The following TTC6 variants were observed in gnomAD, a reference collection of about 807,000 sequenced individuals.
The protein encoded by TTC6 is tetratricopeptide repeat domain 6, also known as tetratricopeptide repeat protein 6.
In TTC6, 172 loss-of-function variants were observed where a neutral mutation model predicts 210.4. The ratio of observed to expected loss-of-function variants is 0.82; its 90% confidence interval spans 0.72 to 0.93. The LOEUF (loss-of-function observed/expected upper bound fraction) is 0.93, where lower values mean the gene tolerates loss of function less well. TTC6 is among the 40% of genes least tolerant of loss of function. The probability of loss-of-function intolerance (pLI) is 0.00; values close to 1 mark genes in which losing one functional copy is unlikely to be tolerated. For missense variants in TTC6, 2,414 were observed against 2,318.1 expected (o/e 1.04, Z -0.85); for synonymous variants, 804 against 819.6 (o/e 0.98, Z 0.32).
At chr14:37,696,565 A>C (rs895914095) in intron 3 of TTC6, 152 bp from the exon 6 acceptor site, 1 of 390,086 alleles carries the variant, frequency 2.6e-6, no homozygotes, top group East Asian at 3.8e-5. Flanking sequence ...GAATGGATTT[A>C]GAGGAAACTA....
At chr14:37,772,812 G>C (rs2096024524) in intron 14 of TTC6, among the ~76,000 whole-genome samples, 1 of 152,026 alleles carries the variant, frequency 6.6e-6, no homozygotes, top group East Asian at 1.9e-4. Flanking sequence ...TTCCTATTCG[G>C]CCATCTTGGC....
chr14:37,705,446 T>A (rs1229876875), intron 5 of TTC6, among the ~76,000 whole-genome samples: 1 of 152,168 alleles, frequency 6.6e-6, no homozygotes, highest in African/African-American at 2.4e-5. Context: ...ATAACACTGT[T>A]AACATTCTTA....
At chr14:37,794,213 G>T (rs2096086968) in intron 17 of TTC6, among the ~76,000 whole-genome samples, 1 of 152,160 alleles carries the variant, frequency 6.6e-6, no homozygotes, top group Non-Finnish European at 1.5e-5. Flanking sequence ...CCTGAATAGG[G>T]TTAGCTTAGG....
chr14:37,599,926 G>T (rs965534983), intron 1 of TTC6, among the ~76,000 whole-genome samples: 1 of 152,160 alleles, frequency 6.6e-6, no homozygotes, highest in African/African-American at 2.4e-5. Flanking sequence ...GTTCACACCG[G>T]TCAGCGCCTG....
At chr14:37,611,038 G>C (rs898334415) in intron 2 of TTC6, among the ~76,000 whole-genome samples, 1 of 152,364 alleles carries the variant, frequency 6.6e-6, no homozygotes, top group East Asian at 1.9e-4. Context: ...GGCTCTTCGG[G>C]AGCAGCGTCT....
intron 1 of TTC6, among the ~76,000 whole-genome samples, chr14:37,672,587 T>G (rs1305829162): frequency 6.6e-6 from 1 of 152,186 alleles, no homozygotes; most frequent in Non-Finnish European, 1.5e-5. Context: ...GATGTCATAC[T>G]TGAAATATCA....
In TTC6 at chr14:37,748,941, C is replaced by A; in HGVS notation, c.2366C>A (p.Ser789Ter). 1 of 1,461,298 alleles carries A rather than the reference C, an allele frequency of 6.8e-7. No homozygotes were observed. The highest frequency in any genetic ancestry group is 1.4e-5 in the South Asian group (1 of 69,974). The allele number at this position is 1,461,298 out of a possible 1,614,324, so 90.5% of individuals were successfully genotyped here. Residue 789 changes from serine to a stop codon, truncating the protein, a stop_gained and splice_region_variant, in exon 11 of 31, where the codon TCA becomes TAA. Transcript: ENST00000553443. LOFTEE classifies it high-confidence loss of function. ...AAAATCACTCTTTTAAAAACTAGAT[C>A]AGCATCTCATGGAATACTTCCGGGA...
intron 2 of TTC6, among the ~76,000 whole-genome samples, chr14:37,609,762 G>A (rs1334307466): frequency 2.0e-5 from 3 of 152,010 alleles, no homozygotes; most frequent in East Asian, 1.9e-4. Flanking sequence ...TGCAGCATTC[G>A]GGATGGTACC....
At chr14:37,840,856 A>AGGCAGT (rs2096208381) in intron 29 of TTC6, among the ~76,000 whole-genome samples, 1 of 139,114 alleles carries the variant, frequency 7.2e-6, no homozygotes, top group Non-Finnish European at 1.5e-5. Context: ...TTGGGGTAAG[A>AGGCAGT]GGCAGTGGGA....
At chr14:37,752,948 C>A (rs1021117227) in intron 13 of TTC6, 151 bp from the exon 16 acceptor site, 3 of 476,142 alleles carry the variant, frequency 6.3e-6, no homozygotes, top group African/African-American at 6.0e-5. Context: ...AAGAAATATT[C>A]TTTAGCTACA....
chr14:37,749,791 T>C, exon 12 of TTC6: 2 of 1,466,284 alleles, frequency 1.4e-6, no homozygotes, highest in Non-Finnish European at 1.8e-6. Context: ...ACAAAATTAA[T>C]GAAGCTTTGG....
chr14:37,622,318 C>A, exon 1 of TTC6: 1 of 1,533,682 alleles, frequency 6.5e-7, no homozygotes, highest in Non-Finnish European at 8.7e-7. Flanking sequence ...CCTGCGATGT[C>A]CGCGGCCGCC....
intron 2 of TTC6, among the ~76,000 whole-genome samples, chr14:37,607,940 A>T (rs986683836): frequency 1.2e-4 from 18 of 152,240 alleles, no homozygotes; most frequent in African/African-American, 4.1e-4. Flanking sequence ...TCCCATGCAC[A>T]TACTCTTACT....
rs149027872 is a variant in TTC6 at position 37,616,170 on chromosome 14, C to T, written c.-154-5880C>T. On this transcript the variant is annotated intron_variant, in intron 2 of 2. Transcript: ENST00000556845. ...GCATATACGTGAATCAAAGGTCAGT[C>T]GGAGACGTGTGGGGTTTAGATAGAA... Among the ~76,000 whole-genome samples, 1,268 of 152,258 alleles carry T rather than the reference C, an allele frequency of 8.3e-3. 21 individuals carry two copies. The highest frequency in any genetic ancestry group is 0.029 in the African/African-American group (1,197 of 41,538).
chr14:37,796,993 G>GTA, intron 20 of TTC6, 46 bp downstream of exon 22: 1 of 1,491,352 alleles, frequency 6.7e-7, no homozygotes, highest in Non-Finnish European at 9.0e-7. Context: ...TTAATGAAGT[G>GTA]TATATATTGT....
intron 3 of TTC6, among the ~76,000 whole-genome samples, chr14:37,691,299 C>G (rs1293098086): frequency 1.3e-5 from 2 of 152,130 alleles, no homozygotes; most frequent in Non-Finnish European, 2.9e-5. Flanking sequence ...CACTGCACTA[C>G]AGCCTGTGTG....
At chr14:37,841,490 G>A (rs865814638) in exon 30 of TTC6, 1 of 1,593,242 alleles carries the variant, frequency 6.3e-7, no homozygotes, top group Non-Finnish European at 8.5e-7. Flanking sequence ...TCCAGAAAAT[G>A]AATATGTTCT....
chr14:37,659,467 A>G (rs533410816), intron 1 of TTC6, among the ~76,000 whole-genome samples: 80 of 151,844 alleles, frequency 5.3e-4, no homozygotes, highest in African/African-American at 1.7e-3. Context: ...GACTTTTTTA[A>G]TAATAGCCAT....
At chr14:37,615,832 T>C (rs1402801021) in intron 2 of TTC6, among the ~76,000 whole-genome samples, 1 of 152,260 alleles carries the variant, frequency 6.6e-6, no homozygotes. Flanking sequence ...GTTGCTTTAA[T>C]GTCCTTTTCT....
Sources: gnomAD v4.1 joint callset for allele counts (sites outside exome capture counted in the v4.1 genomes callset) on GRCh38, gnomAD v4.1.1 for gene constraint, MANE v1.5 for transcripts, NCBI Gene and HGNC (gene_info 2026-07-23, HGNC 2026-07-21) for gene names.